Variants in TRAF3 observed in about 807,000 individuals in gnomAD.
The protein encoded by TRAF3 is TNF receptor-associated factor 3.
A neutral mutation model predicts 62.3 loss-of-function variants in TRAF3; 13 were observed. That is an observed-to-expected ratio of 0.21 (90% CI 0.14 to 0.33). The LOEUF (loss-of-function observed/expected upper bound fraction) is 0.33. Ranked by LOEUF, TRAF3 falls within the 10% of genes least tolerant of loss-of-function variation. TRAF3 has a pLI of 1.00. For synonymous variants in TRAF3, 269 were observed against 283.4 expected (o/e 0.95, Z 0.51); for missense variants, 440 against 741.8 (o/e 0.59, Z 4.73).
At chr14:102,795,057 C>T (rs921523855) in intron 1 of TRAF3, among the ~76,000 whole-genome samples, 3 of 152,044 alleles carry the variant, frequency 2.0e-5, no homozygotes, top group African/African-American at 7.2e-5. Context: ...GCCTATATAT[C>T]CTAAAGTTCC....
intron 2 of TRAF3, among the ~76,000 whole-genome samples, chr14:102,859,311 C>T (rs1041726581): frequency 6.6e-6 from 1 of 152,094 alleles, no homozygotes; most frequent in African/African-American, 2.4e-5. Context: ...GTAGATGTTA[C>T]ACTGTTAACT....
chr14:102,841,851 C>G lies in TRAF3; in HGVS notation c.-18+11379C>G, dbSNP rs184767397. Among the ~76,000 whole-genome samples, 3 of 152,142 alleles carry G rather than the reference C, an allele frequency of 2.0e-5. No homozygotes were observed. In the East Asian group the frequency reaches 5.8e-4, roughly 29 times the overall value. ...AAATAACTTATAAATATGTTGCACA[C>G]TCAACATAAAACGTAGAGAAAAACA... is the stretch of plus-strand genomic sequence containing the variant. On this transcript the variant is annotated intron_variant, in intron 2 of 11. Transcript: ENST00000392745.
chr14:102,824,229 T>C (rs1037075754), intron 1 of TRAF3, among the ~76,000 whole-genome samples: 2 of 152,232 alleles, frequency 1.3e-5, no homozygotes, highest in African/African-American at 2.4e-5. Flanking sequence ...CCTTTGTTGC[T>C]GACCTAGCGA....
intron 1 of TRAF3, among the ~76,000 whole-genome samples, chr14:102,813,451 T>C (rs924837829): frequency 1.3e-5 from 2 of 151,368 alleles, no homozygotes; most frequent in Non-Finnish European, 2.9e-5. Flanking sequence ...TTCTTTTCTT[T>C]TCTTTTCTTT....
rs1890666114 is a variant in TRAF3 at position 102,907,944 on chromosome 14, G to C, written c.*2160G>C. On this transcript the variant is annotated 3_prime_UTR_variant, in exon 12 of 12. Transcript: ENST00000392745. ...CCTGCAGAAGCTGCGGAAAACTACT[G>C]TTCCCTCGAAGGTGTCCCCCACCTG... is the stretch of plus-strand genomic sequence containing the variant. 1 of 152,308 alleles carries C rather than the reference G, an allele frequency of 6.6e-6. No homozygotes were observed. Among genetic ancestry groups the C allele is most frequent in the Non-Finnish European group, 1.5e-5 (1 of 68,066 alleles). The allele number at this position is 152,308 out of a possible 1,614,324, so 9.4% of individuals were successfully genotyped here.
At chr14:102,842,566 T>C (rs1299540335) in intron 2 of TRAF3, among the ~76,000 whole-genome samples, 3 of 152,068 alleles carry the variant, frequency 2.0e-5, no homozygotes, top group African/African-American at 7.2e-5. Context: ...GGAAAAAATA[T>C]TTGGAGAAAT....
chr14:102,861,426 C>T (rs574870490), intron 2 of TRAF3, among the ~76,000 whole-genome samples: 36 of 152,278 alleles, frequency 2.4e-4, no homozygotes, highest in African/African-American at 7.7e-4. Context: ...TTCAGTCAAG[C>T]GTGCTTGCCT....
chr14:102,895,702 C>T (rs939582852), intron 9 of TRAF3, among the ~76,000 whole-genome samples: 2 of 152,194 alleles, frequency 1.3e-5, no homozygotes, highest in Non-Finnish European at 2.9e-5. Flanking sequence ...AAGAAACCCT[C>T]GTTGGAGTTA....
chr14:102,870,557 A>G, intron 3 of TRAF3, 111 bp downstream of exon 3: 2 of 1,420,744 alleles, frequency 1.4e-6, no homozygotes, highest in East Asian at 5.0e-5. Flanking sequence ...AGCCCTAAAG[A>G]AGTCCATAAA....
chr14:102,877,903 A>G (rs1053526006), intron 6 of TRAF3, among the ~76,000 whole-genome samples: 4 of 152,262 alleles, frequency 2.6e-5, no homozygotes, highest in South Asian at 2.1e-4. Flanking sequence ...TCCATTCCAC[A>G]GGCCTTCTGC....
intron 1 of TRAF3, among the ~76,000 whole-genome samples, chr14:102,779,783 G>C (rs1897195038): frequency 6.6e-6 from 1 of 152,224 alleles, no homozygotes; most frequent in Non-Finnish European, 1.5e-5. Context: ...AGGAAATTGC[G>C]TTAAATTTGC....
intron 1 of TRAF3, among the ~76,000 whole-genome samples, chr14:102,810,020 A>G (rs1249800219): frequency 6.6e-6 from 1 of 152,226 alleles, no homozygotes; most frequent in Non-Finnish European, 1.5e-5. Flanking sequence ...GGGTCTAAGA[A>G]TAGTTTTTAT....
At chr14:102,895,182 C>A in intron 9 of TRAF3, 1 of 451,628 alleles carries the variant, frequency 2.2e-6, no homozygotes, top group Non-Finnish European at 4.5e-6. Flanking sequence ...GCATATGGCC[C>A]GCTCCACATT....
intron 1 of TRAF3, among the ~76,000 whole-genome samples, chr14:102,812,203 C>CT (rs965421570): frequency 6.6e-6 from 1 of 152,058 alleles, no homozygotes; most frequent in African/African-American, 2.4e-5. Context: ...CTTTTGACTT[C>CT]TGTGAGATCA....
chr14:102,811,316 TAA>T (rs1566749407), intron 1 of TRAF3, among the ~76,000 whole-genome samples: 2 of 151,626 alleles, frequency 1.3e-5, no homozygotes, highest in African/African-American at 4.9e-5. Context: ...TTTTTTTTCT[TAA>T]GAGAGAGTCT....
rs1204634040 is a variant in TRAF3 at position 102,911,289 on chromosome 14, C to T, written c.*5505C>T. The T allele has an allele frequency of 1.3e-5, 2 of 152,222 alleles. No homozygotes were observed. The highest frequency in any genetic ancestry group is 2.9e-5 in the Non-Finnish European group (2 of 68,038). 9.4% of individuals were successfully genotyped at this position (152,222 alleles called of 1,614,324 possible). A position where few individuals can be genotyped will look rare whatever the true frequency, so the allele number is the denominator to read the frequency against. ...TCATGTTGTTACTGTGAGTTAGCAA[C>T]ATGCCTGACTTCCTGATAGCATTAC... On this transcript the variant is annotated 3_prime_UTR_variant, in exon 12 of 12. Coordinates refer to ENST00000392745, the MANE Select transcript of TRAF3 (RefSeq NM_145725.3).
chr14:102,815,802 A>G (rs1305988570), intron 1 of TRAF3, among the ~76,000 whole-genome samples: 1 of 152,216 alleles, frequency 6.6e-6, no homozygotes, highest in Non-Finnish European at 1.5e-5. Context: ...ACATGGCAGC[A>G]GGCAAGAAGG....
chr14:102,887,840 C>T (rs1181303577), intron 7 of TRAF3, among the ~76,000 whole-genome samples: 1 of 152,074 alleles, frequency 6.6e-6, no homozygotes, highest in African/African-American at 2.4e-5. Flanking sequence ...CGTGATTTGC[C>T]CGCCTCGGCC....
chr14:102,903,463 G>A lies in TRAF3; in HGVS notation c.1135+34G>A, dbSNP rs1359586842. 5 of 1,612,704 alleles carry A rather than the reference G, an allele frequency of 3.1e-6. No individual in the cohort carries two copies. The Admixed American group carries it at 8.3e-5, about 27-fold the overall frequency. ...GGGGCCGGGGCCGGGCCAGCAGTGT[G>A]CATCTGGGCCCCGGGCGAGTGCTGG... On this transcript the variant is annotated intron_variant, in intron 11 of 11. Transcript: ENST00000392745. The surrounding 1 kb of genome is among the most constrained non-coding windows in gnomAD (Gnocchi z 6.4).
Sources: gnomAD v4.1 joint callset for allele counts (sites outside exome capture counted in the v4.1 genomes callset) on GRCh38, gnomAD v4.1.1 for gene constraint, Gnocchi (gnomAD v3.1) non-coding constraint, MANE v1.5 for transcripts, NCBI Gene and HGNC (gene_info 2026-07-23, HGNC 2026-07-21) for gene names.